Variants in CDH18 observed in about 807,000 individuals in gnomAD.
CDH18 encodes cadherin 18, also known as cadherin-18.
A neutral mutation model predicts 67.9 loss-of-function variants in CDH18; 31 were observed. The ratio of observed to expected loss-of-function variants is 0.46; its 90% confidence interval spans 0.34 to 0.62. The LOEUF is 0.62. CDH18 is among the 20% of genes least tolerant of loss of function. CDH18 has a pLI of 0.01. For missense variants in CDH18, 890 were observed against 975.5 expected (o/e 0.91, Z 1.17); for synonymous variants, 362 against 347.2 (o/e 1.04, Z -0.48).
chr5:19,477,817 G>A (rs1386768522), intron 12 of CDH18, among the ~76,000 whole-genome samples: 1 of 151,948 alleles, frequency 6.6e-6, no homozygotes, highest in African/African-American at 2.4e-5. Context: ...ACAAAAAAAA[G>A]AAAAGATATA....
At chr5:19,756,392 C>A (rs1771604955) in intron 3 of CDH18, among the ~76,000 whole-genome samples, 1 of 152,190 alleles carries the variant, frequency 6.6e-6, no homozygotes, top group Admixed American at 6.5e-5. Context: ...TCTTCTACTA[C>A]CTATTCTGTA....
At chr5:19,789,656 A>C (rs1392003228) in intron 3 of CDH18, among the ~76,000 whole-genome samples, 2 of 152,146 alleles carry the variant, frequency 1.3e-5, no homozygotes, top group Non-Finnish European at 2.9e-5. Context: ...GACAATATGA[A>C]CTTCTATTGC....
At chr5:20,138,446 T>C (rs575898814) in intron 2 of CDH18, among the ~76,000 whole-genome samples, 16 of 152,208 alleles carry the variant, frequency 1.1e-4, no homozygotes, top group African/African-American at 3.6e-4. Context: ...TTAAACATAG[T>C]GTTGGAAGTT....
At chr5:19,777,340 T>C (rs1018071771) in intron 3 of CDH18, among the ~76,000 whole-genome samples, 2 of 152,174 alleles carry the variant, frequency 1.3e-5, no homozygotes, top group Non-Finnish European at 2.9e-5. Flanking sequence ...TATGTATTCC[T>C]GAATTTTGTT....
At chr5:20,438,350 T>C (rs1749342270) in intron 1 of CDH18, among the ~76,000 whole-genome samples, 1 of 150,966 alleles carries the variant, frequency 6.6e-6, no homozygotes, top group Non-Finnish European at 1.5e-5. Flanking sequence ...AAGAAAATAA[T>C]TCATCAGGTA....
At chr5:19,735,396 A>AT (rs34913380) in intron 4 of CDH18, among the ~76,000 whole-genome samples, 17 of 105,068 alleles carry the variant, frequency 1.6e-4, no homozygotes, top group African/African-American at 3.9e-4. Context: ...ATGATATTGG[A>AT]TTTTTTTTTT....
chr5:19,751,424 A>C (rs553051891), intron 3 of CDH18, among the ~76,000 whole-genome samples: 1 of 152,358 alleles, frequency 6.6e-6, no homozygotes, highest in Non-Finnish European at 1.5e-5. Flanking sequence ...ATAATATTTC[A>C]GTGGAAGCCA....
intron 2 of CDH18, among the ~76,000 whole-genome samples, chr5:20,200,582 A>T (rs1739374056): frequency 6.6e-6 from 1 of 152,088 alleles, no homozygotes; most frequent in African/African-American, 2.4e-5. Context: ...AGGCTGAGGT[A>T]AAGGATAGCT....
rs141677039 is a variant in CDH18 at position 19,715,705 on chromosome 5, C to A, written c.643+5642G>T. Among the ~76,000 whole-genome samples the A allele has an allele frequency of 5.2e-3, 784 of 151,864 alleles. 8 individuals carry two copies. The highest frequency in any genetic ancestry group is 0.018 in the African/African-American group (755 of 41,436). On this transcript the variant is annotated intron_variant, in intron 5 of 12. Coordinates refer to ENST00000382275, the MANE Select transcript of CDH18 (RefSeq NM_004934.5). Reference sequence around the variant, plus strand: ...AAAATAAATTTATATAACTTTTTGACTAAAAAGTTCTTTCAAACAAAATAA... The same window carrying A: ...AAAATAAATTTATATAACTTTTTGAATAAAAAGTTCTTTCAAACAAAATAA...
At position 20,484,119 on chromosome 5, in the gene CDH18, G is replaced by C. The variant is rs577179823; in HGVS notation, c.-580+91343C>G. 8.6e-5 allele frequency among the ~76,000 whole-genome samples: 13 copies of C among 151,986 alleles called. No individual in the cohort carries two copies. The East Asian group carries it at 2.3e-3, about 27-fold the overall frequency. ...GAATCTGAATAAAAATGGGCAAAAG[G>C]TCTGAATAGAAATTTCTCAAAAGAA... On this transcript the variant is annotated intron_variant, in intron 1 of 14. Transcript: ENST00000507958.
At chr5:19,833,718 T>C (rs1781306913) in intron 3 of CDH18, among the ~76,000 whole-genome samples, 1 of 152,188 alleles carries the variant, frequency 6.6e-6, no homozygotes, top group African/African-American at 2.4e-5. Flanking sequence ...TTATTGAGAG[T>C]TTTTAACATG....
intron 2 of CDH18, among the ~76,000 whole-genome samples, chr5:19,971,134 G>A (rs886881740): frequency 5.3e-5 from 8 of 151,724 alleles, no homozygotes; most frequent in Admixed American, 4.6e-4. Flanking sequence ...AGCAAAGCAT[G>A]CTTATTGATG....
intron 1 of CDH18, among the ~76,000 whole-genome samples, chr5:20,513,370 T>C (rs561478788): frequency 4.3e-4 from 66 of 152,290 alleles, no homozygotes; most frequent in African/African-American, 1.6e-3. Context: ...CAAGGAAATT[T>C]TTAATTTCTG....
chr5:19,809,303 C>T lies in CDH18; in HGVS notation c.228+29456G>A, dbSNP rs79009260. Reference sequence around the variant, plus strand: ...CTCTGGGGAAAATTAACTAAGTACACGCTCTAGGCACCAATAATTTGATTT... The same window carrying T: ...CTCTGGGGAAAATTAACTAAGTACATGCTCTAGGCACCAATAATTTGATTT... On this transcript the variant is annotated intron_variant, in intron 3 of 12. Transcript: ENST00000382275. 3.2e-3 allele frequency among the ~76,000 whole-genome samples: 486 copies of T among 152,206 alleles called. 3 individuals are homozygous for T. Among genetic ancestry groups the T allele is most frequent in the African/African-American group, 0.011 (446 of 41,518 alleles).
chr5:20,322,398 A>G (rs1206106040), intron 1 of CDH18, among the ~76,000 whole-genome samples: 1 of 152,158 alleles, frequency 6.6e-6, no homozygotes. Flanking sequence ...CATTGTATAT[A>G]ATTTAATTAA....
intron 8 of CDH18, among the ~76,000 whole-genome samples, chr5:19,544,393 T>A (rs1168132554): frequency 6.6e-6 from 1 of 152,068 alleles, no homozygotes. Flanking sequence ...AAAATTAGAA[T>A]CCTTGAAGTC....
At position 20,216,195 on chromosome 5, in the gene CDH18, T is replaced by C. The variant is rs1605667; in HGVS notation, c.-518+39249A>G. On this transcript the variant is annotated intron_variant, in intron 2 of 14. Transcript: ENST00000507958. ...TGATCAAAGATCATTATACCAGATA[T>C]AATGATACTGAAAAGGTTAAAAGTA... Among the ~76,000 whole-genome samples, 1,338 of 152,000 alleles carry C rather than the reference T, an allele frequency of 8.8e-3. 22 individuals are homozygous for C. Among genetic ancestry groups the C allele is most frequent in the African/African-American group, 0.029 (1,219 of 41,502 alleles).
intron 1 of CDH18, among the ~76,000 whole-genome samples, chr5:20,412,276 T>C (rs1024931120): frequency 6.6e-6 from 1 of 151,994 alleles, no homozygotes; most frequent in Non-Finnish European, 1.5e-5. Context: ...GGAAAGGACA[T>C]AGTGTTCAAT....
chr5:19,882,464 T>C (rs962727970), intron 2 of CDH18, among the ~76,000 whole-genome samples: 2 of 152,224 alleles, frequency 1.3e-5, no homozygotes, highest in East Asian at 3.9e-4. Flanking sequence ...GTCAAATGAA[T>C]CTTAAGAGAT....
Sources: gnomAD v4.1 joint callset for allele counts (sites outside exome capture counted in the v4.1 genomes callset) on GRCh38, gnomAD v4.1.1 for gene constraint, MANE v1.5 for transcripts, NCBI Gene and HGNC (gene_info 2026-07-23, HGNC 2026-07-21) for gene names.